MFGE8: variants seen among roughly 807,000 people sequenced by gnomAD.
MFGE8 encodes milk fat globule EGF and factor V/VIII domain containing.
MFGE8 carries 34 observed loss-of-function variants against 42.6 expected under a neutral mutation model. That is an observed-to-expected ratio of 0.80 (90% CI 0.61 to 1.06). The LOEUF (loss-of-function observed/expected upper bound fraction) is 1.06. MFGE8 is among the 50% of genes least tolerant of loss of function. The probability of loss-of-function intolerance (pLI) is 0.00; values close to 1 mark genes in which losing one functional copy is unlikely to be tolerated. For missense variants in MFGE8, 510 were observed against 516.9 expected (o/e 0.99, Z 0.13); for synonymous variants, 230 against 214.8 (o/e 1.07, Z -0.62).
rs145239424 is a variant in MFGE8, at chr15:88,905,432, G to C, written c.685+325C>G. 1.9e-6 allele frequency: 1 copy of C among 535,576 alleles called. No individual in the cohort carries two copies. Among genetic ancestry groups the C allele is most frequent in the Admixed American group, 2.2e-5 (1 of 44,526 alleles). 33.2% of individuals were successfully genotyped at this position (535,576 alleles called of 1,614,324 possible). A position where few individuals can be genotyped will look rare whatever the true frequency, so the allele number is the denominator to read the frequency against. ...ACAGATTCTCTGCCCTCGTAAAGCTGACATCTGCCAAACACACCTAACGCT... is the reference window on the plus strand; with the variant it reads ...ACAGATTCTCTGCCCTCGTAAAGCTCACATCTGCCAAACACACCTAACGCT... On this transcript the variant is annotated intron_variant, in intron 5 of 7. Transcript: ENST00000268150. The surrounding 1 kb of genome is among the most constrained non-coding windows in gnomAD (Gnocchi z 6.6).
In MFGE8 at chr15:88,903,054, T is replaced by G. The variant is rs950293158; in HGVS notation, c.686-1319A>C. On this transcript the variant is annotated intron_variant, in intron 5 of 7. Transcript: ENST00000268150. This position sits in a 1 kb window ranked among gnomAD's most constrained non-coding sequence, Gnocchi z 4.9. ...CACCAGGGAACCACCACCTTCCCCC[T>G]CAAAGAGAGGCTCCCGGGCTGAGAG... 1 of 152,136 alleles carries G rather than the reference T, an allele frequency of 6.6e-6. No individual in the cohort carries two copies. Among genetic ancestry groups the G allele is most frequent in the Admixed American group, 6.6e-5 (1 of 15,256 alleles). The allele number at this position is 152,136 out of a possible 1,614,324, so 9.4% of individuals were successfully genotyped here.
intron 5 of MFGE8, chr15:88,904,629 C>T (rs887284325): frequency 6.6e-6 from 1 of 152,234 alleles, no homozygotes; most frequent in African/African-American, 2.4e-5. Flanking sequence ...GCCTACATTT[C>T]CTTCTAGCAG....
At chr15:88,910,805 G>T (rs1898920910) in intron 1 of MFGE8, 1 of 152,246 alleles carries the variant, frequency 6.6e-6, no homozygotes. Context: ...AGACTGGGAG[G>T]GATCTGAAGA....
chr15:88,899,081 CGGACAG>C lies in MFGE8; in HGVS notation c.*308_*313del, dbSNP rs1898238574. 1 of 450,172 alleles carries C rather than the reference CGGACAG, an allele frequency of 2.2e-6. No homozygotes were observed. Among genetic ancestry groups the C allele is most frequent in the Middle Eastern group, 6.6e-4 (1 of 1,520 alleles). The allele number at this position is 450,172 out of a possible 1,614,324, so 27.9% of individuals were successfully genotyped here. A position where few individuals can be genotyped will look rare whatever the true frequency, so the allele number is the denominator to read the frequency against. ...ACACACGCACCTGGGATCGGCGGTC[CGGACAG>C]GGGCAGGGAAACCACACGCCCTACT... On this transcript the variant is annotated 3_prime_UTR_variant, in exon 8 of 8. Coordinates refer to ENST00000268150, the MANE Select transcript of MFGE8 (RefSeq NM_005928.4). The surrounding 1 kb of genome is among the most constrained non-coding windows in gnomAD (Gnocchi z 6.8).
Position 88,899,549 on chromosome 15 carries a change from T to C in MFGE8, c.1027-17A>G. 6.2e-7 allele frequency: 1 copy of C among 1,613,970 alleles called. No homozygotes were observed. Among genetic ancestry groups the C allele is most frequent in the South Asian group, 1.1e-5 (1 of 91,070 alleles). On this transcript the variant is annotated splice_polypyrimidine_tract_variant and intron_variant, in intron 7 of 7. Coordinates refer to ENST00000268150, the MANE Select transcript of MFGE8 (RefSeq NM_005928.4). This position sits in a 1 kb window ranked among gnomAD's most constrained non-coding sequence, Gnocchi z 6.8. ...AGGGAAGATCTAGAGGCAGAGCGGG[T>C]GTCAGGAGGACCCCGAGCCAGCCCC...
At chr15:88,912,478 A>G in intron 1 of MFGE8, 1 of 985,400 alleles carries the variant, frequency 1.0e-6, no homozygotes, top group Non-Finnish European at 1.2e-6. Flanking sequence ...GGGGCCACCT[A>G]AAGAGTCCTG....
At position 88,905,280 on chromosome 15, in the gene MFGE8, T is replaced by C. The variant is rs1022817526; in HGVS notation, c.685+477A>G. 2.5e-5 allele frequency: 9 copies of C among 364,020 alleles called. No homozygotes were observed. The highest frequency in any genetic ancestry group is 3.8e-5 in the Non-Finnish European group (7 of 186,354). The allele number at this position is 364,020 out of a possible 1,614,324, so 22.5% of individuals were successfully genotyped here. ...CTTAATACCTACCAGATGTGTACCC[T>C]TAATAAATCATTCATCGGGGCCCCA... On this transcript the variant is annotated intron_variant, in intron 5 of 7. Transcript: ENST00000268150. The surrounding 1 kb of genome is among the most constrained non-coding windows in gnomAD (Gnocchi z 6.6).
At chr15:88,901,172 TTCTCA>T (rs1567214582) in intron 6 of MFGE8, among the ~76,000 whole-genome samples, 1 of 64,688 alleles carries the variant, frequency 1.5e-5, no homozygotes, top group Non-Finnish European at 3.2e-5. Context: ...TTCACACACA[TTCTCA>T]CACATTCACA....
chr15:88,901,088 CACACATTCACAAAT>C (rs1186989680), intron 6 of MFGE8, among the ~76,000 whole-genome samples: 2 of 67,216 alleles, frequency 3.0e-5, no homozygotes, highest in African/African-American at 8.2e-5. Flanking sequence ...TACACATTCA[CACACATTCACAAAT>C]ACACATTCAC....
intron 1 of MFGE8, chr15:88,912,308 T>C (rs1899002396): frequency 1.6e-6 from 2 of 1,278,054 alleles, no homozygotes; most frequent in Non-Finnish European, 2.0e-6. Flanking sequence ...CTGTCTTTCA[T>C]GGTGGCCGGG....
intron 3 of MFGE8, 79 bp downstream of exon 3, chr15:88,907,116 C>T (rs770163546): frequency 4.9e-5 from 74 of 1,513,784 alleles, no homozygotes; most frequent in Non-Finnish European, 6.2e-5. Context: ...ATGAACCCTC[C>T]TGGGGTAACC....
intron 1 of MFGE8, chr15:88,912,237 T>C: frequency 7.8e-7 from 1 of 1,289,682 alleles, no homozygotes; most frequent in Admixed American, 2.3e-5. Flanking sequence ...TCCAGTAACA[T>C]TTGGCCAGAG....
intron 1 of MFGE8, chr15:88,912,244 A>G (rs1898998969): frequency 3.1e-6 from 4 of 1,289,734 alleles, no homozygotes; most frequent in Non-Finnish European, 4.0e-6. Context: ...ACATTTGGCC[A>G]GAGTTCAGGT....
rs748898057 is a variant in MFGE8, at chr15:88,905,727, T to C, written c.685+30A>G. The C allele has an allele frequency of 1.4e-5, 23 of 1,613,398 alleles. No individual in the cohort carries two copies. In the South Asian group the frequency reaches 2.3e-4, roughly 16 times the overall value. ...GCCACCTCCTAGGATTGGCCAACAG[T>C]GCCCCCCTACCCGCACCCCCAGCAC... On this transcript the variant is annotated intron_variant, in intron 5 of 7. Coordinates refer to ENST00000268150, the MANE Select transcript of MFGE8 (RefSeq NM_005928.4). This position sits in a 1 kb window ranked among gnomAD's most constrained non-coding sequence, Gnocchi z 6.6.
At position 88,901,640 on chromosome 15, in the gene MFGE8, T is replaced by G; in HGVS notation, c.781A>C (p.Ser261Arg). 1 of 1,613,848 alleles carries G rather than the reference T, an allele frequency of 6.2e-7. No individual in the cohort carries two copies. The highest frequency in any genetic ancestry group is 1.6e-4 in the Middle Eastern group (1 of 6,062). ...AGCCGTGCATAGGAGGGGTTCCAGC[T>G]GAAGAGATGCAAGCCCCAGGTCTTG... is the stretch of plus-strand genomic sequence containing the variant. ...SYKTWGLHLFSWNPSYARLDK... is the reference protein window; with the variant it reads ...SYKTWGLHLFRWNPSYARLDK... Residue 261 changes from serine (S) to arginine (R), a missense_variant, in exon 6 of 8, where the codon AGC (serine) becomes CGC (arginine). Physicochemically the swap from Ser to Arg is moderately radical, Grantham distance 110. Coordinates refer to ENST00000268150, the MANE Select transcript of MFGE8 (RefSeq NM_005928.4).
Position 88,898,886 on chromosome 15 carries a change from G to C in MFGE8, c.*509C>G, listed in dbSNP as rs553701505. ...CAAGAGAGGCAACCAGGGAGACAAG[G>C]GGAAGTGTCTTGGGGACAGGGGGCC... On this transcript the variant is annotated 3_prime_UTR_variant, in exon 8 of 8. Coordinates refer to ENST00000268150, the MANE Select transcript of MFGE8 (RefSeq NM_005928.4). 12 of 192,798 alleles carry C rather than the reference G, an allele frequency of 6.2e-5. No homozygotes were observed. In the South Asian group the frequency reaches 1.3e-3, roughly 21 times the overall value. The allele number at this position is 192,798 out of a possible 1,614,324, so 11.9% of individuals were successfully genotyped here.
Position 88,906,161 on chromosome 15 carries a change from G to A in MFGE8, c.541-260C>T. 1.8e-6 allele frequency: 1 copy of A among 556,870 alleles called. No individual in the cohort carries two copies. Among genetic ancestry groups the A allele is most frequent in the South Asian group, 2.0e-5 (1 of 49,572 alleles). 34.5% of individuals were successfully genotyped at this position (556,870 alleles called of 1,614,324 possible). A position where few individuals can be genotyped will look rare whatever the true frequency, so the allele number is the denominator to read the frequency against. ...CCCTATAGCTGACACAGGGCCACCTGTAACCTACAGGGTACCTCTTTGCAA... is the reference window on the plus strand; with the variant it reads ...CCCTATAGCTGACACAGGGCCACCTATAACCTACAGGGTACCTCTTTGCAA... On this transcript the variant is annotated intron_variant, in intron 4 of 7. Coordinates refer to ENST00000268150, the MANE Select transcript of MFGE8 (RefSeq NM_005928.4). This position sits in a 1 kb window ranked among gnomAD's most constrained non-coding sequence, Gnocchi z 4.2.
At chr15:88,912,507 C>A in intron 1 of MFGE8, 2 of 985,412 alleles carry the variant, frequency 2.0e-6, no homozygotes, top group African/African-American at 1.7e-5. Flanking sequence ...TCCCTCCCAG[C>A]GCTCCACGGT....
rs28616621 is a variant in MFGE8, at chr15:88,905,026, G to A, written c.685+731C>T. The A allele has an allele frequency of 1.2e-5, 2 of 161,776 alleles. No individual in the cohort carries two copies. Among genetic ancestry groups the A allele is most frequent in the African/African-American group, 2.4e-5 (1 of 41,592 alleles). The allele number at this position is 161,776 out of a possible 1,614,324, so 10.0% of individuals were successfully genotyped here. ...AATTAATGTCTGTCAGCCCAAACCC[G>A]GCACTCTGACCTCGCCCAGGCTGTC... On this transcript the variant is annotated intron_variant, in intron 5 of 7. Transcript: ENST00000268150. The surrounding 1 kb of genome is among the most constrained non-coding windows in gnomAD (Gnocchi z 6.6).
Sources: allele counts gnomAD v4.1 joint callset (sites outside exome capture counted in the v4.1 genomes callset), GRCh38; gene constraint gnomAD v4.1.1; non-coding constraint Gnocchi (gnomAD v3.1); transcripts MANE v1.5; gene names NCBI Gene and HGNC (gene_info 2026-07-23, HGNC 2026-07-21).